The following NTNG1 variants were observed in gnomAD, a reference collection of about 807,000 sequenced individuals.
NTNG1 encodes netrin G1.
Under a neutral mutation model 54.0 loss-of-function variants are expected in NTNG1, and 16 were observed. The observed-to-expected ratio is 0.30, with a 90% CI of 0.20 to 0.45. The LOEUF is 0.45. NTNG1 is among the 20% of genes least tolerant of loss of function. The pLI, the probability that NTNG1 is intolerant of heterozygous loss-of-function variation, is 1.00. For synonymous variants in NTNG1, 255 were observed against 263.1 expected (o/e 0.97, Z 0.30); for missense variants, 530 against 678.7 (o/e 0.78, Z 2.43).
intron 2 of NTNG1, among the ~76,000 whole-genome samples, chr1:107,167,622 A>G (rs1655904634): frequency 6.6e-6 from 1 of 152,048 alleles, no homozygotes; most frequent in South Asian, 2.1e-4. Context: ...CATAAGTCAC[A>G]GTAACTAATA....
intron 3 of NTNG1, among the ~76,000 whole-genome samples, chr1:107,376,133 A>C (rs745531988): frequency 6.6e-6 from 1 of 152,212 alleles, no homozygotes; most frequent in Non-Finnish European, 1.5e-5. Context: ...TAATATTGCT[A>C]TTGTAGGCTG....
chr1:107,368,400 G>GTTT (rs1424048097), intron 3 of NTNG1, among the ~76,000 whole-genome samples: 3 of 151,834 alleles, frequency 2.0e-5, no homozygotes, highest in African/African-American at 7.3e-5. Flanking sequence ...ATGATCTTGT[G>GTTT]TGGTAAGCAC....
rs550039436 is a variant in NTNG1 at position 107,462,529 on chromosome 1, G to A, written c.1391-18082G>A. ...CCTCAATAAATAGATGTTCGCTTTT[G>A]TTACTATTATTATCCTGTTTTAATT... On this transcript the variant is annotated intron_variant, in intron 7 of 7. Transcript: ENST00000370068. Among the ~76,000 whole-genome samples the A allele has an allele frequency of 1.5e-3, 227 of 152,294 alleles. 1 individual carries two copies. Among genetic ancestry groups the A allele is most frequent in the African/African-American group, 5.4e-3 (224 of 41,560 alleles).
intron 3 of NTNG1, among the ~76,000 whole-genome samples, chr1:107,326,952 A>G (rs767432482): frequency 1.1e-4 from 17 of 152,182 alleles, no homozygotes; most frequent in Non-Finnish European, 1.5e-5. Flanking sequence ...TTGGAAATGT[A>G]GATTCCTTCA....
At chr1:107,161,159 T>C (rs909044422) in intron 2 of NTNG1, among the ~76,000 whole-genome samples, 4 of 152,160 alleles carry the variant, frequency 2.6e-5, no homozygotes, top group Non-Finnish European at 5.9e-5. Flanking sequence ...TAAACATTTG[T>C]TAAATGAATG....
chr1:107,384,713 T>C (rs2101045905), intron 3 of NTNG1, among the ~76,000 whole-genome samples: 1 of 152,378 alleles, frequency 6.6e-6, no homozygotes, highest in East Asian at 1.9e-4. Flanking sequence ...ACCTGGCCTC[T>C]GGGTTTGCAG....
chr1:107,466,036 A>G (rs1161273794), intron 7 of NTNG1, among the ~76,000 whole-genome samples: 4 of 151,630 alleles, frequency 2.6e-5, no homozygotes, highest in African/African-American at 9.8e-5. Context: ...GTAAAAGCAC[A>G]TGATGGGGAG....
At chr1:107,195,233 G>C (rs1037949621) in intron 2 of NTNG1, among the ~76,000 whole-genome samples, 5 of 151,842 alleles carry the variant, frequency 3.3e-5, no homozygotes, top group African/African-American at 9.7e-5. Flanking sequence ...TTAAATCCAC[G>C]TACATTCTGC....
chr1:107,333,152 T>C (rs192377548), intron 3 of NTNG1, among the ~76,000 whole-genome samples: 244 of 152,082 alleles, frequency 1.6e-3, no homozygotes, highest in African/African-American at 5.7e-3. Context: ...ATAAATATAT[T>C]GAGAGGATAG....
intron 5 of NTNG1, among the ~76,000 whole-genome samples, chr1:107,415,398 C>CTTTA (rs888711099): frequency 7.9e-5 from 12 of 152,098 alleles, no homozygotes; most frequent in African/African-American, 2.4e-4. Flanking sequence ...CTTCCATGAA[C>CTTTA]TTTACTATGA....
intron 3 of NTNG1, among the ~76,000 whole-genome samples, chr1:107,342,395 A>C (rs1190468814): frequency 6.6e-6 from 1 of 152,124 alleles, no homozygotes; most frequent in Non-Finnish European, 1.5e-5. Flanking sequence ...AAAACAGTAA[A>C]CTATAAAAAA....
At chr1:107,466,901 C>T (rs777244226) in intron 7 of NTNG1, among the ~76,000 whole-genome samples, 7 of 152,176 alleles carry the variant, frequency 4.6e-5, no homozygotes, top group South Asian at 2.1e-4. Context: ...TCTGCATGCC[C>T]GTAATGACTT....
intron 4 of NTNG1, among the ~76,000 whole-genome samples, chr1:107,400,650 A>T (rs2819984): frequency 0.46 from 68,863 of 148,486 alleles, 16,633 homozygotes; most frequent in East Asian, 0.65. Flanking sequence ...TTGTGGAATA[A>T]GTTTTTTTTT....
chr1:107,185,560 C>T (rs1343718749), intron 2 of NTNG1, among the ~76,000 whole-genome samples: 2 of 152,100 alleles, frequency 1.3e-5, no homozygotes, highest in Non-Finnish European at 2.9e-5. Context: ...TTGCAAAAAC[C>T]GTATTTCTAA....
At chr1:107,153,316 C>T (rs1341394690) in intron 2 of NTNG1, among the ~76,000 whole-genome samples, 1 of 152,180 alleles carries the variant, frequency 6.6e-6, no homozygotes. Flanking sequence ...AATTCAGTTA[C>T]ATTTTCCATG....
At chr1:107,149,201 T>C (rs777499703) in intron 2 of NTNG1, among the ~76,000 whole-genome samples, 1 of 152,190 alleles carries the variant, frequency 6.6e-6, no homozygotes, top group East Asian at 1.9e-4. Context: ...ATAAAATGCA[T>C]TGGCAAACCA....
chr1:107,459,190 C>T (rs1464430656), intron 7 of NTNG1, among the ~76,000 whole-genome samples: 1 of 152,042 alleles, frequency 6.6e-6, no homozygotes, highest in African/African-American at 2.4e-5. Flanking sequence ...TTTGCAAAGA[C>T]ATATATGCAT....
In NTNG1 at chr1:107,354,568, G is replaced by A. The variant is rs151131183; in HGVS notation, c.887+29646G>A. On this transcript the variant is annotated intron_variant, in intron 3 of 7. Transcript: ENST00000370068. ...GTCAGTATGGGTGGAAACCTGTAGC[G>A]CTCAGCTGCATCCATGGGTAAAACC... 2.3e-4 allele frequency among the ~76,000 whole-genome samples: 35 copies of A among 151,488 alleles called. No individual in the cohort carries two copies. In the South Asian group the frequency reaches 3.1e-3, roughly 14 times the overall value.
intron 5 of NTNG1, among the ~76,000 whole-genome samples, chr1:107,410,903 A>G (rs933659460): frequency 6.6e-6 from 1 of 152,162 alleles, no homozygotes; most frequent in Non-Finnish European, 1.5e-5. Context: ...GTGCAAATAC[A>G]TTTGTGTGGG....
Sources: allele counts gnomAD v4.1 joint callset (sites outside exome capture counted in the v4.1 genomes callset), GRCh38; gene constraint gnomAD v4.1.1; transcripts MANE v1.5; gene names NCBI Gene and HGNC (gene_info 2026-07-23, HGNC 2026-07-21).